Variants in ZNF730 observed in about 807,000 individuals in gnomAD.
ZNF730 encodes the protein zinc finger protein 730, also known as putative zinc finger protein 730.
Under a neutral mutation model 12.6 loss-of-function variants are expected in ZNF730, and 12 were observed. The ratio of observed to expected loss-of-function variants is 0.95; its 90% CI spans 0.61 to 1.54. ZNF730 has a LOEUF of 1.54. Among genes scored for constraint, ZNF730 ranks in the 40% most tolerant of loss-of-function variants. The pLI is 0.00. For synonymous variants in ZNF730, 194 were observed against 195.8 expected, an observed-to-expected ratio of 0.99 and a Z score of 0.08; for missense variants, 643 against 583.5, an observed-to-expected ratio of 1.10 and a Z score of -1.05.
At chr19:23,101,991 CCTAA>C (rs1391128915) in intron 1 of ZNF730, among the ~76,000 whole-genome samples, 3 of 152,052 alleles carry the variant, frequency 2.0e-5, no homozygotes, top group African/African-American at 7.2e-5. Context: ...TTGCCTGTGC[CCTAA>C]CTATTTTGCA....
chr19:23,116,299 T>TTTTTCTTTTTTCTTTTC (rs1172687600), upstream of ZNF730, among the ~76,000 whole-genome samples: 9 of 149,078 alleles, frequency 6.0e-5, no homozygotes, highest in African/African-American at 2.3e-4. Flanking sequence ...GTTATTCTGC[T>TTTTTCTTTTTTCTTTTC]TTTTCTTTTC....
Position 23,107,543 on chromosome 19 carries a change from C to T in ZNF730, c.-93-26537C>T, listed in dbSNP as rs184831926. Among the ~76,000 whole-genome samples, 79 of 148,080 alleles carry T rather than the reference C, an allele frequency of 5.3e-4. 1 individual carries two copies. The East Asian group carries it at 0.013, about 24-fold the overall frequency. On this transcript the variant is annotated intron_variant, in intron 1 of 2. Transcript: ENST00000593635. ...AGGGTCTCACCATGTTGCCCAAGCT[C>T]GTCTTGAACTCTTGAGCTCAAGCAG...
intron 1 of ZNF730, chr19:23,127,714 T>A: frequency 8.1e-7 from 1 of 1,235,452 alleles, no homozygotes; most frequent in Non-Finnish European, 1.2e-6. Flanking sequence ...CAGGATCACT[T>A]TGAAGATCTA....
At chr19:23,108,679 T>C (rs1473484860) in intron 1 of ZNF730, among the ~76,000 whole-genome samples, 1 of 152,252 alleles carries the variant, frequency 6.6e-6, no homozygotes, top group African/African-American at 2.4e-5. Flanking sequence ...AGAAACTATT[T>C]TAATCCTTTG....
At chr19:23,080,477 G>A (rs562832282) in intron 1 of ZNF730, among the ~76,000 whole-genome samples, 1 of 151,696 alleles carries the variant, frequency 6.6e-6, no homozygotes, top group African/African-American at 2.4e-5. Context: ...CCGACTTCAA[G>A]TGATTCTCTA....
intron 3 of ZNF730, among the ~76,000 whole-genome samples, chr19:23,141,711 T>G (rs918757758): frequency 1.3e-5 from 2 of 152,232 alleles, no homozygotes; most frequent in Non-Finnish European, 2.9e-5. Flanking sequence ...ATAAAGTAAT[T>G]TATACAATTT....
chr19:23,127,452 CT>C, intron 1 of ZNF730: 2 of 1,078,730 alleles, frequency 1.9e-6, no homozygotes, highest in Non-Finnish European at 2.8e-6. Context: ...GTCATTGACC[CT>C]TCTCCTTCTC....
chr19:23,079,360 G>A (rs1032664825), intron 1 of ZNF730, among the ~76,000 whole-genome samples: 7 of 151,954 alleles, frequency 4.6e-5, no homozygotes, highest in African/African-American at 1.5e-4. Flanking sequence ...GTTTCTCCAC[G>A]TTGGTCAGGC....
chr19:23,139,246 T>G (rs941555426), intron 3 of ZNF730, among the ~76,000 whole-genome samples: 1 of 152,192 alleles, frequency 6.6e-6, no homozygotes, highest in Non-Finnish European at 1.5e-5. Flanking sequence ...TTTTTTTTCT[T>G]TATTTAGCAT....
rs370907338 is a variant in ZNF730 at position 23,127,180 on chromosome 19, A to G, written c.4-6900A>G. 6.5e-4 allele frequency: 363 copies of G among 556,364 alleles called. 1 individual carries two copies. Among genetic ancestry groups the G allele is most frequent in the African/African-American group, 6.2e-3 (331 of 53,004 alleles). The allele number at this position is 556,364 out of a possible 1,614,324, so 34.5% of individuals were successfully genotyped here. ...TTGTTCATGCTCAAAGAAATTATCT[A>G]CATCCTTTACTCCGGAAATAATTAC... is the stretch of plus-strand genomic sequence containing the variant. On this transcript the variant is annotated intron_variant, in intron 1 of 3. Coordinates refer to ENST00000597761, the MANE Select transcript of ZNF730 (RefSeq NM_001277403.2).
intron 1 of ZNF730, among the ~76,000 whole-genome samples, chr19:23,081,917 CTATT>C (rs908516538): frequency 1.3e-5 from 2 of 152,078 alleles, no homozygotes; most frequent in African/African-American, 4.8e-5. Flanking sequence ...CATGCCATGT[CTATT>C]TATTTTTTGT....
rs531794553 is a variant in ZNF730, at chr19:23,146,113, A to G, written c.1069A>G (p.Arg357Gly). Residue 357 changes from arginine to glycine, a missense_variant, in exon 4 of 4, where the codon AGA (arginine) becomes GGA (glycine). Physicochemically the swap from Arg to Gly is moderately radical, Grantham distance 125. Coordinates refer to ENST00000597761, the MANE Select transcript of ZNF730 (RefSeq NM_001277403.2). ...TTTTAACCGATCCTCAACCCTTAAT[A>G]GACATAAGATAACTCATACTGGAGG... The part of the protein sequence containing the change: ...KAFNRSSTLN[R>G]HKITHTGGKP... The G allele has an allele frequency of 3.9e-4, 634 of 1,610,136 alleles. 8 individuals carry two copies. The South Asian group carries it at 6.6e-3, about 17-fold the overall frequency.
At chr19:23,081,521 T>C (rs566425872) in intron 1 of ZNF730, among the ~76,000 whole-genome samples, 137 of 152,222 alleles carry the variant, frequency 9.0e-4, no homozygotes, top group African/African-American at 3.2e-3. Flanking sequence ...GGTTTCACCA[T>C]GTTGGCCAGG....
chr19:23,120,514 G>A (rs1037181542), intron 1 of ZNF730, among the ~76,000 whole-genome samples: 1 of 151,716 alleles, frequency 6.6e-6, no homozygotes, highest in East Asian at 1.9e-4. Flanking sequence ...GGGGTCAGTG[G>A]TAATGTCGCT....
Position 23,145,680 on chromosome 19 carries a change from G to T in ZNF730, c.636G>T (p.Glu212Asp), listed in dbSNP as rs1040567128. ...AAGAATATGGCAAAGCCTTTAATGAGTCCTCAAACTGTACTACACATAAAA... is the reference window on the plus strand; with the variant it reads ...AAGAATATGGCAAAGCCTTTAATGATTCCTCAAACTGTACTACACATAAAA... The part of the protein sequence containing the change: ...KCEEYGKAFN[E>D]SSNCTTHKRI... Residue 212 changes from glutamate (E) to aspartate (D), a missense_variant, in exon 4 of 4, where the codon GAG becomes GAT. Physicochemically the swap from Glu to Asp is conservative, Grantham distance 45. Coordinates refer to ENST00000597761, the MANE Select transcript of ZNF730 (RefSeq NM_001277403.2). The T allele has an allele frequency of 9.0e-6, 14 of 1,556,382 alleles. No individual in the cohort carries two copies. The highest frequency in any genetic ancestry group is 3.9e-5 in the Admixed American group (2 of 51,504).
Position 23,138,300 on chromosome 19 carries a change from A to G in ZNF730, c.226+2257A>G, listed in dbSNP as rs1355827421. The stretch of plus-strand genomic sequence containing the variant: ...TCCGTCTCAAAAAAAAAAAAAAAAA[A>G]AAAGAAAATGGCTTTCACTGGGTAC... On this transcript the variant is annotated intron_variant, in intron 3 of 3. Coordinates refer to ENST00000597761, the MANE Select transcript of ZNF730 (RefSeq NM_001277403.2). Among the ~76,000 whole-genome samples, 38 of 151,144 alleles carry G rather than the reference A, an allele frequency of 2.5e-4. 17 individuals are homozygous for G. The South Asian group carries it at 5.3e-3, about 21-fold the overall frequency.
At chr19:23,121,621 T>C (rs946292893) in intron 1 of ZNF730, among the ~76,000 whole-genome samples, 5 of 152,204 alleles carry the variant, frequency 3.3e-5, no homozygotes, top group Non-Finnish European at 7.3e-5. Context: ...ATTACAGGCG[T>C]GAGCTGCCAT....
intron 1 of ZNF730, among the ~76,000 whole-genome samples, chr19:23,077,525 A>C (rs1457948308): frequency 1.5e-5 from 2 of 135,658 alleles, no homozygotes; most frequent in East Asian, 4.4e-4. Context: ...GCAACCTCCA[A>C]CTCCTGGGTT....
chr19:23,082,354 T>TC (rs1433114712), intron 1 of ZNF730, among the ~76,000 whole-genome samples: 1 of 152,072 alleles, frequency 6.6e-6, no homozygotes, highest in African/African-American at 2.4e-5. Context: ...AGCAGAATTT[T>TC]TTTTTTTTTT....
Sources: allele counts gnomAD v4.1 joint callset (sites outside exome capture counted in the v4.1 genomes callset), GRCh38; gene constraint gnomAD v4.1.1; transcripts MANE v1.5; gene names NCBI Gene and HGNC (gene_info 2026-07-23, HGNC 2026-07-21).